The following ECE2 variants were observed in gnomAD, a reference collection of about 807,000 sequenced individuals.
ECE2 encodes the protein endothelin converting enzyme 2.
A neutral mutation model predicts 100.6 loss-of-function variants in ECE2; 81 were observed. The observed-to-expected ratio is 0.81, with a 90% CI of 0.67 to 0.97. ECE2 has a LOEUF of 0.97. Ranked by LOEUF, ECE2 falls within the 50% of genes least tolerant of loss-of-function variation. ECE2 has a pLI of 0.00. For synonymous variants in ECE2, 391 were observed against 391.5 expected, an observed-to-expected ratio of 1.00 and a Z score of 0.02; for missense variants, 911 against 988.1, an observed-to-expected ratio of 0.92 and a Z score of 1.05.
intron 10 of ECE2, among the ~76,000 whole-genome samples, chr3:184,286,796 T>TAAA (rs11449762): frequency 4.1e-5 from 5 of 121,926 alleles, no homozygotes; most frequent in African/African-American, 9.6e-5. Flanking sequence ...AAACTCTGTT[T>TAAA]AAAAAAAAAA....
chr3:184,286,106 G>A (rs1238750688), intron 10 of ECE2, among the ~76,000 whole-genome samples: 6 of 152,178 alleles, frequency 3.9e-5, no homozygotes, highest in Admixed American at 3.3e-4. Context: ...GGATGGTGGG[G>A]AAGGGCATCA....
intron 7 of ECE2, among the ~76,000 whole-genome samples, chr3:184,281,388 G>A (rs1720809408): frequency 6.6e-6 from 1 of 152,160 alleles, no homozygotes; most frequent in Admixed American, 6.5e-5. Context: ...GAAGGGAGAG[G>A]GCTCTACAAA....
chr3:184,281,862 G>A (rs917344001), intron 7 of ECE2, among the ~76,000 whole-genome samples: 1 of 152,218 alleles, frequency 6.6e-6, no homozygotes, highest in South Asian at 2.1e-4. Context: ...ACTTTGGGAG[G>A]CTGAGGTGGG....
At chr3:184,285,162 G>T in intron 9 of ECE2, 57 bp downstream of exon 9, 6 of 1,582,014 alleles carry the variant, frequency 3.8e-6, no homozygotes, top group Non-Finnish European at 5.1e-6. Context: ...GCAAGGCTGG[G>T]CATAATGGAC....
At chr3:184,282,554 G>A (rs1276051601) in intron 7 of ECE2, among the ~76,000 whole-genome samples, 1 of 152,188 alleles carries the variant, frequency 6.6e-6, no homozygotes, top group African/African-American at 2.4e-5. Flanking sequence ...AGACAGCTGC[G>A]CTTGGGTCTG....
At chr3:184,280,845 G>A (rs1720787919) in intron 7 of ECE2, among the ~76,000 whole-genome samples, 1 of 152,092 alleles carries the variant, frequency 6.6e-6, no homozygotes, top group African/African-American at 2.4e-5. Flanking sequence ...CCGACGTGGT[G>A]GCGGGTGCCT....
At chr3:184,279,203 G>A (rs150251509) in intron 7 of ECE2, among the ~76,000 whole-genome samples, 68 of 151,656 alleles carry the variant, frequency 4.5e-4, no homozygotes, top group African/African-American at 1.5e-3. Context: ...CCAACTACTC[G>A]GGAGGCTGAG....
intron 7 of ECE2, among the ~76,000 whole-genome samples, chr3:184,279,868 C>T (rs186964579): frequency 3.3e-4 from 50 of 152,030 alleles, no homozygotes; most frequent in Middle Eastern, 6.8e-3. Context: ...AGGGAGGGAG[C>T]GCAGTGCTTT....
intron 7 of ECE2, among the ~76,000 whole-genome samples, chr3:184,281,862 G>T (rs917344001): frequency 2.0e-5 from 3 of 152,218 alleles, no homozygotes; most frequent in Admixed American, 1.3e-4. Context: ...ACTTTGGGAG[G>T]CTGAGGTGGG....
chr3:184,286,229 G>C (rs929667584), intron 10 of ECE2, among the ~76,000 whole-genome samples: 1 of 152,102 alleles, frequency 6.6e-6, no homozygotes, highest in Non-Finnish European at 1.5e-5. Flanking sequence ...AGGCCAAAAG[G>C]AGCATGGTGG....
rs772980311 is a variant in ECE2 at position 184,285,579 on chromosome 3, A to G, written c.1250A>G (p.Tyr417Cys). Residue 417 changes from tyrosine to cysteine, a missense_variant, in exon 10 of 19, where the codon TAT (tyrosine) becomes TGT (cysteine). Physicochemically the swap from Tyr to Cys is radical, Grantham distance 194. Coordinates refer to ENST00000404464, the MANE Select transcript of ECE2 (RefSeq NM_001100121.2). The part of the protein sequence containing the change: ...SAQEKLLETL[Y>C]GTKKSCVPRW... ...CAAGAGAAGCTGCTGGAGACCCTCT[A>G]TGGCACTAAGAAGGTGGGCTTTCTG... is the stretch of plus-strand genomic sequence containing the variant. 1.2e-6 allele frequency: 2 copies of G among 1,613,436 alleles called. No homozygotes were observed. Among genetic ancestry groups the G allele is most frequent in the Non-Finnish European group, 1.7e-6 (2 of 1,179,500 alleles).
chr3:184,289,302 G>A lies in ECE2; in HGVS notation c.1375-135G>A, dbSNP rs1200340158. The A allele has an allele frequency of 1.4e-6, 1 of 734,404 alleles. No individual in the cohort carries two copies. The highest frequency in any genetic ancestry group is 2.3e-6 in the Non-Finnish European group (1 of 438,140). 45.5% of individuals were successfully genotyped at this position (734,404 alleles called of 1,614,324 possible). ...GGTGTTTCCTTCTCATCGTCTCCAG[G>A]TGCTCAGCCGTATTTCTTTAGTCTA... On this transcript the variant is annotated intron_variant, in intron 11 of 18. Transcript: ENST00000404464. This position sits in a 1 kb window ranked among gnomAD's most constrained non-coding sequence, Gnocchi z 4.1.
At chr3:184,284,901 G>A (rs559621243) in intron 8 of ECE2, 62 bp from the exon 9 acceptor site, 6 of 1,584,710 alleles carry the variant, frequency 3.8e-6, no homozygotes, top group Non-Finnish European at 5.1e-6. Context: ...ACAGCATACA[G>A]TGGGGGAGGG....
At chr3:184,276,643 C>T (rs781008019) in intron 2 of ECE2, 76 bp downstream of exon 2, 5 of 1,579,594 alleles carry the variant, frequency 3.2e-6, no homozygotes, top group Admixed American at 1.8e-5. Flanking sequence ...GAGCTCTGGG[C>T]TGTTCTGGAG....
In ECE2 at chr3:184,289,331, G is replaced by A. The variant is rs916930583; in HGVS notation, c.1375-106G>A. 6 of 994,906 alleles carry A rather than the reference G, an allele frequency of 6.0e-6. No homozygotes were observed. The highest frequency in any genetic ancestry group is 1.6e-5 in the African/African-American group (1 of 62,224). The allele number at this position is 994,906 out of a possible 1,614,324, so 61.6% of individuals were successfully genotyped here. ...TCAGCCGTATTTCTTTAGTCTAGAC[G>A]TTCCCATTTCCCCTGGGTGGACAGG... On this transcript the variant is annotated intron_variant, in intron 11 of 18. Transcript: ENST00000404464. The surrounding 1 kb of genome is among the most constrained non-coding windows in gnomAD (Gnocchi z 4.1).
rs1381662658 is a variant in ECE2 at position 184,287,896 on chromosome 3, T to C, written c.1323T>C (p.Ala441=). 2 of 1,614,194 alleles carry C rather than the reference T, an allele frequency of 1.2e-6. No individual in the cohort carries two copies. The highest frequency in any genetic ancestry group is 2.2e-5 in the East Asian group (1 of 44,888). ...ISNTDDALGF[A]LGSLFVKATF... Reference sequence around the variant, plus strand: ...ACACGGATGACGCCCTTGGCTTTGCTTTGGGGTCCCTCTTCGTGAAGGCCA... The same window carrying C: ...ACACGGATGACGCCCTTGGCTTTGCCTTGGGGTCCCTCTTCGTGAAGGCCA... The change falls in exon 11 of 19, where the codon GCT becomes GCC. Residue 441 remains alanine (A), a synonymous_variant. Coordinates refer to ENST00000404464, the MANE Select transcript of ECE2 (RefSeq NM_001100121.2).
At chr3:184,288,455 A>G (rs1024908197) in intron 11 of ECE2, among the ~76,000 whole-genome samples, 1 of 152,180 alleles carries the variant, frequency 6.6e-6, no homozygotes, top group South Asian at 2.1e-4. Context: ...ATATAACTAG[A>G]AGAAATATTT....
intron 7 of ECE2, 158 bp downstream of exon 7, chr3:184,278,715 C>T: frequency 1.5e-6 from 1 of 668,622 alleles, no homozygotes; most frequent in Non-Finnish European, 2.5e-6. Flanking sequence ...TTTCTTCCTC[C>T]CTCCCTCCCT....
intron 11 of ECE2, among the ~76,000 whole-genome samples, chr3:184,288,356 T>C (rs1191184214): frequency 1.4e-5 from 2 of 147,912 alleles, no homozygotes; most frequent in Admixed American, 1.3e-4. Flanking sequence ...AACAACTGGA[T>C]GTAAATTGAT....
Sources: allele counts gnomAD v4.1 joint callset (sites outside exome capture counted in the v4.1 genomes callset), GRCh38; gene constraint gnomAD v4.1.1; non-coding constraint Gnocchi (gnomAD v3.1); transcripts MANE v1.5; gene names NCBI Gene and HGNC (gene_info 2026-07-23, HGNC 2026-07-21).